GAK: variants seen among roughly 807,000 people sequenced by gnomAD.
The protein encoded by GAK is cyclin-G-associated kinase.
In GAK, 79 loss-of-function variants were observed where a neutral mutation model predicts 143.9. That is an observed-to-expected ratio of 0.55 (90% CI 0.46 to 0.66). GAK has a LOEUF of 0.66. GAK is among the 30% of genes least tolerant of loss of function. The pLI is 0.00. For synonymous variants in GAK, 881 were observed against 765.5 expected (o/e 1.15, Z -2.49); for missense variants, 1,693 against 1,779.7 (o/e 0.95, Z 0.88).
At position 873,772 on chromosome 4, in the gene GAK, C is replaced by G. The variant is rs368407289; in HGVS notation, c.2054+2758G>C. ...TTCCACTTCAGCCTTGCTAGGTCTT[C>G]GTGTGCAAGGGTTTTGAAGTATGGC... On this transcript the variant is annotated intron_variant, in intron 18 of 27. Coordinates refer to ENST00000314167, the MANE Select transcript of GAK (RefSeq NM_005255.4). Among the ~76,000 whole-genome samples the G allele has an allele frequency of 2.1e-3, 326 of 152,264 alleles. 16 individuals are homozygous for G. In the South Asian group the frequency reaches 0.059, roughly 28 times the overall value.
chr4:862,965 C>T (rs1173980484), intron 23 of GAK, among the ~76,000 whole-genome samples: 1 of 152,216 alleles, frequency 6.6e-6, no homozygotes, highest in Non-Finnish European at 1.5e-5. Context: ...TTCCAAGTCT[C>T]CCTATTTAAG....
intron 24 of GAK, among the ~76,000 whole-genome samples, chr4:855,137 C>T (rs1378129565): frequency 6.6e-6 from 1 of 152,136 alleles, no homozygotes; most frequent in African/African-American, 2.4e-5. Context: ...CCTGCTGAGG[C>T]GTTGGTAGGA....
Position 882,285 on chromosome 4 carries a change from C to T in GAK, c.1528-245G>A, listed in dbSNP as rs767355707. 3.3e-5 allele frequency among the ~76,000 whole-genome samples: 5 copies of T among 152,242 alleles called. No homozygotes were observed. In the South Asian group the frequency reaches 8.3e-4, roughly 25 times the overall value. On this transcript the variant is annotated intron_variant, in intron 14 of 27. Transcript: ENST00000314167. ...ACTCCAACAGGCTCTGCTGGTGCCC[C>T]GTACCCCGCAAAAGACCCCTCATGG...
intron 25 of GAK, chr4:851,537 CAAG>C: frequency 5.0e-6 from 3 of 605,194 alleles, no homozygotes; most frequent in Non-Finnish European, 5.9e-6. Flanking sequence ...AAAAACAGGT[CAAG>C]AAGGTGTCAC....
chr4:849,635 C>A lies in GAK; in HGVS notation c.*38G>T. The A allele has an allele frequency of 1.0e-5, 16 of 1,526,886 alleles. No individual in the cohort carries two copies. The highest frequency in any genetic ancestry group is 1.4e-5 in the Non-Finnish European group (16 of 1,107,534). The allele number at this position is 1,526,886 out of a possible 1,614,324, so 94.6% of individuals were successfully genotyped here. A position where few individuals can be genotyped will look rare whatever the true frequency, so the allele number is the denominator to read the frequency against. ...ACCCAGGTCCCACGACGGCTCCCAA[C>A]CTGTGGAGCTGTGTGCGCAGCCACC... On this transcript the variant is annotated 3_prime_UTR_variant, in exon 28 of 28. Transcript: ENST00000314167.
At position 932,237 on chromosome 4, in the gene GAK, C is replaced by G; in HGVS notation, c.-50G>C. 6.8e-7 allele frequency: 1 copy of G among 1,474,272 alleles called. No individual in the cohort carries two copies. The highest frequency in any genetic ancestry group is 8.9e-7 in the Non-Finnish European group (1 of 1,118,096). 91.3% of individuals were successfully genotyped at this position (1,474,272 alleles called of 1,614,324 possible). A position where few individuals can be genotyped will look rare whatever the true frequency, so the allele number is the denominator to read the frequency against. ...GGCAGCCGGAGTGGTCGGGCTCGGG[C>G]TCCCGCTCCCTCGCCGTCCGGGTCA... On this transcript the variant is annotated 5_prime_UTR_variant, in exon 1 of 28. Coordinates refer to ENST00000314167, the MANE Select transcript of GAK (RefSeq NM_005255.4). The surrounding 1 kb of genome is among the most constrained non-coding windows in gnomAD (Gnocchi z 4.0).
chr4:903,128 C>CG (rs1720259456), intron 5 of GAK, among the ~76,000 whole-genome samples: 1 of 152,196 alleles, frequency 6.6e-6, no homozygotes, highest in African/African-American at 2.4e-5. Context: ...GGCCCAGCCC[C>CG]GGCCCAGAAC....
At chr4:906,832 C>T (rs574113152) in intron 4 of GAK, among the ~76,000 whole-genome samples, 2 of 152,284 alleles carry the variant, frequency 1.3e-5, no homozygotes, top group South Asian at 2.1e-4. Flanking sequence ...CCAGAGCTTG[C>T]GCTCCCAGCC....
At chr4:893,524 T>C (rs1452906911) in intron 8 of GAK, 35 bp from the exon 9 acceptor site, 13 of 1,460,874 alleles carry the variant, frequency 8.9e-6, no homozygotes, top group Admixed American at 4.8e-5. Context: ...GGCCCCACGG[T>C]TCCCCAGGCG....
At position 851,036 on chromosome 4, in the gene GAK, T is replaced by C. The variant is rs1292262162; in HGVS notation, c.3557A>G (p.Asn1186Ser). ...GTCAGACCTGGAGGAGAAGCCTTGATTGGACAACAGATCTTCAAAGTCGTT... is the reference window on the plus strand; with the variant it reads ...GTCAGACCTGGAGGAGAAGCCTTGACTGGACAACAGATCTTCAAAGTCGTT... ...SENDFEDLLS[N>S]QGFSSRSDKK... The change falls in exon 26 of 28, where the codon AAT becomes AGT. Residue 1186 changes from asparagine to serine, a missense_variant. By Grantham distance (46) the Asn-to-Ser change is conservative (BLOSUM62 1). This residue lies in a region of GAK where 822 missense variants were observed against 788.7 expected (regional missense o/e 1.04). Transcript: ENST00000314167. The C allele has an allele frequency of 6.2e-7, 1 of 1,614,086 alleles. No homozygotes were observed. Among genetic ancestry groups the C allele is most frequent in the South Asian group, 1.1e-5 (1 of 91,082 alleles).
In GAK at chr4:883,252, C is replaced by T; in HGVS notation, c.1404+63G>A. The T allele has an allele frequency of 2.5e-6, 4 of 1,579,000 alleles. No individual in the cohort carries two copies. In the South Asian group the frequency reaches 3.5e-5, roughly 14 times the overall value. ...ACCCTGGCCAAAGCCCTCAGCTATG[C>T]CCCTGCACTGGAGCGGAAGGAAGCT... On this transcript the variant is annotated intron_variant, in intron 13 of 27. Transcript: ENST00000314167.
chr4:876,509 G>T (rs759430787), intron 18 of GAK, 21 bp downstream of exon 18: 2 of 1,609,646 alleles, frequency 1.2e-6, no homozygotes, highest in Non-Finnish European at 1.7e-6. Context: ...TCCCCACCGA[G>T]CACAAGCGGT....
Position 851,785 on chromosome 4 carries a change from G to A in GAK, c.3473C>T (p.Ala1158Val), listed in dbSNP as rs756188963. The A allele has an allele frequency of 1.7e-5, 27 of 1,612,814 alleles. No individual in the cohort carries two copies. The highest frequency in any genetic ancestry group is 2.2e-5 in the South Asian group (2 of 90,928). The change falls in exon 25 of 28, where the codon GCG becomes GTG. Residue 1158 changes from alanine (A) to valine (V), a missense_variant. Physicochemically the swap from Ala to Val is moderately conservative, Grantham distance 64 (BLOSUM62 0). This residue lies in a region of GAK where 822 missense variants were observed against 788.7 expected (regional missense o/e 1.04). Coordinates refer to ENST00000314167, the MANE Select transcript of GAK (RefSeq NM_005255.4). The part of the protein sequence containing the change: ...NYASNFSVIG[A>V]REERGVRAPS... ...TGCGCGGACCCCCCGCTCCTCCCGC[G>A]CCCCGATCACACTGAAGTTCGAGGC... is the stretch of plus-strand genomic sequence containing the variant.
At chr4:912,490 G>A in intron 3 of GAK, 1 of 455,544 alleles carries the variant, frequency 2.2e-6, no homozygotes. Context: ...CTCTTGGGTA[G>A]GAACAACTTC....
intron 1 of GAK, among the ~76,000 whole-genome samples, chr4:929,700 A>G (rs1725371580): frequency 1.3e-5 from 2 of 151,406 alleles, no homozygotes; most frequent in African/African-American, 4.9e-5. Flanking sequence ...AAAAAAAAAA[A>G]GGAAGATGAC....
Position 866,085 on chromosome 4 carries a change from C to T in GAK, c.3043+279G>A, listed in dbSNP as rs1751114339. Among the ~76,000 whole-genome samples the T allele has an allele frequency of 5.9e-5, 9 of 152,376 alleles. No homozygotes were observed. In the South Asian group the frequency reaches 1.9e-3, roughly 32 times the overall value. On this transcript the variant is annotated intron_variant, in intron 22 of 27. Coordinates refer to ENST00000314167, the MANE Select transcript of GAK (RefSeq NM_005255.4). The stretch of plus-strand genomic sequence containing the variant: ...GCTGCAAGGCCTGGGCCTGAGGAGG[C>T]CTGGAGAAACACCTGTTGCCAGTCA...
chr4:874,930 A>G (rs756349793), intron 18 of GAK, among the ~76,000 whole-genome samples: 7 of 152,092 alleles, frequency 4.6e-5, no homozygotes, highest in Non-Finnish European at 1.0e-4. Flanking sequence ...CTACCAATTC[A>G]GAGTCTGTTC....
intron 11 of GAK, chr4:888,016 G>A (rs1281766692): frequency 6.6e-6 from 1 of 152,290 alleles, no homozygotes; most frequent in Non-Finnish European, 1.5e-5. Context: ...GGTACATGCA[G>A]GCACAAGTGC....
At position 918,025 on chromosome 4, in the gene GAK, A is replaced by G. The variant is rs73064448; in HGVS notation, c.146-4357T>C. ...AAGTTAGCATAACACTAACCAAAGA[A>G]GGGTATAAATACCAAATTAAGGAAA... On this transcript the variant is annotated intron_variant, in intron 1 of 27. Transcript: ENST00000314167. 3.0e-3 allele frequency among the ~76,000 whole-genome samples: 460 copies of G among 152,358 alleles called. 4 individuals carry two copies. Among genetic ancestry groups the G allele is most frequent in the African/African-American group, 0.011 (441 of 41,570 alleles).
Sources: gnomAD v4.1 joint callset for allele counts (sites outside exome capture counted in the v4.1 genomes callset) on GRCh38, gnomAD v4.1.1 for gene constraint, gnomAD v4.1.1 regional missense constraint, Gnocchi (gnomAD v3.1) non-coding constraint, MANE v1.5 for transcripts, NCBI Gene and HGNC (gene_info 2026-07-23, HGNC 2026-07-21) for gene names.